The following GDA variants were observed in gnomAD, a reference collection of about 807,000 sequenced individuals.
GDA encodes cytoplasmic PSD-95 interactor.
In GDA, 18 loss-of-function variants were observed where a neutral mutation model predicts 59.6. The observed-to-expected ratio is 0.30, with a 90% CI of 0.21 to 0.45. The LOEUF is 0.45. Among genes scored for constraint, GDA ranks in the 20% least tolerant of loss-of-function variants. GDA has a pLI of 1.00. For synonymous variants in GDA, 201 were observed against 201.1 expected, an observed-to-expected ratio of 1.00 and a Z score of 0.00; for missense variants, 427 against 552.3, an observed-to-expected ratio of 0.77 and a Z score of 2.27.
chr9:72,217,155 A>T (rs1017986859), intron 5 of GDA, among the ~76,000 whole-genome samples: 1 of 152,260 alleles, frequency 6.6e-6, no homozygotes, highest in African/African-American at 2.4e-5. Context: ...AATAGTTTTT[A>T]AAAATAGCAG....
intron 1 of GDA, among the ~76,000 whole-genome samples, chr9:72,127,337 C>T (rs761412136): frequency 1.5e-4 from 23 of 151,992 alleles, no homozygotes; most frequent in Non-Finnish European, 2.9e-5. Flanking sequence ...CCAAAAGGAT[C>T]TGAAAGAAAA....
At chr9:72,231,687 C>T (rs372326002) in intron 10 of GDA, among the ~76,000 whole-genome samples, 1 of 152,070 alleles carries the variant, frequency 6.6e-6, no homozygotes, top group African/African-American at 2.4e-5. Flanking sequence ...TTCCTTCTGA[C>T]GTGTTTCAGA....
At chr9:72,226,014 TGC>T (rs112320111) in intron 8 of GDA, among the ~76,000 whole-genome samples, 49 of 144,692 alleles carry the variant, frequency 3.4e-4, no homozygotes, top group South Asian at 1.1e-3. Flanking sequence ...TGTGTGTGTG[TGC>T]GTGTGTGTGT....
chr9:72,228,572 G>A (rs1396264804), intron 9 of GDA: 1 of 152,808 alleles, frequency 6.5e-6, no homozygotes, highest in Non-Finnish European at 1.5e-5. Context: ...TTTGAAAGGT[G>A]ATGGATCCGT....
intron 1 of GDA, among the ~76,000 whole-genome samples, chr9:72,162,674 T>C (rs564980348): frequency 6.8e-6 from 1 of 147,666 alleles, no homozygotes; most frequent in East Asian, 2.0e-4. Context: ...TTTTTTTTTT[T>C]TGAGACAGAA....
chr9:72,135,908 G>A (rs937910937), intron 1 of GDA, among the ~76,000 whole-genome samples: 2 of 152,122 alleles, frequency 1.3e-5, no homozygotes, highest in African/African-American at 4.8e-5. Flanking sequence ...ACCACGCGGG[G>A]CCTGCTTGAT....
intron 1 of GDA, among the ~76,000 whole-genome samples, chr9:72,165,675 A>G (rs2130890530): frequency 6.6e-6 from 1 of 152,260 alleles, no homozygotes; most frequent in East Asian, 1.9e-4. Flanking sequence ...AGGTGGGCGG[A>G]TCATCGGAGA....
At position 72,237,185 on chromosome 9, in the gene GDA, C is replaced by CT. The variant is rs555890541; in HGVS notation, c.989-3964dup. Among the ~76,000 whole-genome samples, 44 of 152,268 alleles carry CT rather than the reference C, an allele frequency of 2.9e-4. No individual in the cohort carries two copies. The South Asian group carries it at 8.7e-3, about 30-fold the overall frequency. ...AGAGTGGGGATCCACACTGGCACCA[C>CT]TTTCTAGGCCCTTTTCCCTTCCTCC... On this transcript the variant is annotated intron_variant, in intron 10 of 13. Transcript: ENST00000358399.
rs192381173 is a variant in GDA at position 72,137,403 on chromosome 9, C to T, written c.-100+22570C>T. Among the ~76,000 whole-genome samples, 1,342 of 151,742 alleles carry T rather than the reference C, an allele frequency of 8.8e-3. 24 individuals are homozygous for T. The highest frequency in any genetic ancestry group is 0.03 in the African/African-American group (1,242 of 41,434). On this transcript the variant is annotated intron_variant, in intron 1 of 13. Coordinates refer to the GDA transcript ENST00000545168. ...CTGGGACTACAGTCTCCTGCCACCA[C>T]GCCCGGCTAATTTTTTTGTATTTTT...
At chr9:72,187,360 A>T (rs1434800666) in intron 1 of GDA, among the ~76,000 whole-genome samples, 2 of 152,200 alleles carry the variant, frequency 1.3e-5, no homozygotes. Context: ...GTGAGTTGTT[A>T]TAAAATGACT....
intron 1 of GDA, among the ~76,000 whole-genome samples, chr9:72,157,339 C>T (rs1828035534): frequency 1.3e-5 from 2 of 152,312 alleles, no homozygotes; most frequent in African/African-American, 4.8e-5. Flanking sequence ...CGGTAGCCAG[C>T]CCAGACTTCT....
At position 72,198,428 on chromosome 9, in the gene GDA, A is replaced by T. The variant is rs180875630; in HGVS notation, c.212+2840A>T. Among the ~76,000 whole-genome samples, 6 of 151,644 alleles carry T rather than the reference A, an allele frequency of 4.0e-5. No homozygotes were observed. The South Asian group carries it at 1.0e-3, about 26-fold the overall frequency. ...GTGGTGGGCCCCTGTAGTCCCAGCTACTCGGGAGGCTGATGCAGGAGAATG... is the reference window on the plus strand; with the variant it reads ...GTGGTGGGCCCCTGTAGTCCCAGCTTCTCGGGAGGCTGATGCAGGAGAATG... On this transcript the variant is annotated intron_variant, in intron 2 of 13. Transcript: ENST00000358399.
At chr9:72,217,437 C>CA (rs1205901766) in intron 5 of GDA, among the ~76,000 whole-genome samples, 3 of 152,168 alleles carry the variant, frequency 2.0e-5, no homozygotes, top group African/African-American at 7.2e-5. Context: ...CTGAGAAGCT[C>CA]AAGATGTATT....
intron 1 of GDA, among the ~76,000 whole-genome samples, chr9:72,158,389 C>G (rs1440711434): frequency 6.6e-6 from 1 of 151,936 alleles, no homozygotes; most frequent in Non-Finnish European, 1.5e-5. Context: ...GTCAGGAGAT[C>G]GAGACCATCC....
intron 3 of GDA, among the ~76,000 whole-genome samples, chr9:72,203,230 C>CA (rs1834236346): frequency 6.6e-6 from 1 of 152,258 alleles, no homozygotes; most frequent in South Asian, 2.1e-4. Context: ...GTGCCTAGCA[C>CA]ATGGTGGGAG....
At position 72,149,618 on chromosome 9, in the gene GDA, C is replaced by T; in HGVS notation, c.59C>T (p.Ser20Phe). 2 of 1,611,480 alleles carry T rather than the reference C, an allele frequency of 1.2e-6. No homozygotes were observed. The highest frequency in any genetic ancestry group is 1.7e-6 in the Non-Finnish European group (2 of 1,179,006). Residue 20 changes from serine to phenylalanine, a missense_variant, in exon 1 of 14, where the codon TCC becomes TTC. Ser to Phe is a radical substitution (Grantham distance 155). Coordinates refer to ENST00000358399, the MANE Select transcript of GDA (RefSeq NM_004293.5). ...ATCTTCCGAGGGACGTTCGTCCACT[C>T]CACCTGGACCTGCCCCATGGAGGTG... ...AHIFRGTFVH[S>F]TWTCPMEVLR...
chr9:72,161,951 C>G (rs1383986003), intron 1 of GDA, among the ~76,000 whole-genome samples: 1 of 152,242 alleles, frequency 6.6e-6, no homozygotes, highest in African/African-American at 2.4e-5. Context: ...AGATGCAACA[C>G]AAGAAGTAAC....
chr9:72,149,999 A>G, intron 1 of GDA, among the ~76,000 whole-genome samples: 1 of 151,998 alleles, frequency 6.6e-6, no homozygotes. Context: ...TCCAATCCTA[A>G]GATACCGGCA....
chr9:72,247,714 C>G (rs763772652), intron 13 of GDA, among the ~76,000 whole-genome samples: 1 of 152,178 alleles, frequency 6.6e-6, no homozygotes, highest in Non-Finnish European at 1.5e-5. Context: ...CCCTCTTGTA[C>G]TCATTCGGTA....
Sources: allele counts gnomAD v4.1 joint callset (sites outside exome capture counted in the v4.1 genomes callset), GRCh38; gene constraint gnomAD v4.1.1; transcripts MANE v1.5; gene names NCBI Gene and HGNC (gene_info 2026-07-23, HGNC 2026-07-21).